Variants in COL28A1 observed in about 807,000 individuals in gnomAD.
COL28A1 encodes the protein collagen type XXVIII alpha 1 chain, also known as collagen alpha-1(XXVIII) chain.
In COL28A1, 161 loss-of-function variants were observed where a neutral mutation model predicts 150.2. The ratio of observed to expected loss-of-function variants is 1.07; its 90% confidence interval spans 0.94 to 1.22. The LOEUF is 1.22. Among genes scored for constraint, COL28A1 ranks in the 50% most tolerant of loss-of-function variants. The pLI, the probability that COL28A1 is intolerant of heterozygous loss-of-function variation, is 0.00. For synonymous variants in COL28A1, 552 were observed against 469.7 expected, an observed-to-expected ratio of 1.18 and a Z score of -2.26; for missense variants, 1,617 against 1,388.3, an observed-to-expected ratio of 1.16 and a Z score of -2.62.
At chr7:7,451,052 G>A (rs1271283694) in intron 18 of COL28A1, among the ~76,000 whole-genome samples, 1 of 152,092 alleles carries the variant, frequency 6.6e-6, no homozygotes, top group Non-Finnish European at 1.5e-5. Context: ...TGTGAGGAGA[G>A]AAGGGAGGGC....
At chr7:7,447,939 C>T (rs1258585932) in intron 18 of COL28A1, among the ~76,000 whole-genome samples, 4 of 151,928 alleles carry the variant, frequency 2.6e-5, no homozygotes, top group African/African-American at 9.7e-5. Context: ...GTGGTGGTGC[C>T]GCCTGTAATC....
At chr7:7,379,549 T>C (rs934771737) in intron 30 of COL28A1, among the ~76,000 whole-genome samples, 11 of 152,070 alleles carry the variant, frequency 7.2e-5, no homozygotes, top group African/African-American at 2.7e-4. Flanking sequence ...GGCTGTGAGC[T>C]CTCTCAGTTC....
At chr7:7,493,970 T>C (rs1209093668) in intron 11 of COL28A1, among the ~76,000 whole-genome samples, 1 of 152,180 alleles carries the variant, frequency 6.6e-6, no homozygotes, top group Non-Finnish European at 1.5e-5. Context: ...CAGGCAAGTA[T>C]AACAAAGAGG....
At chr7:7,480,690 A>G (rs974626731) in intron 13 of COL28A1, among the ~76,000 whole-genome samples, 7 of 152,232 alleles carry the variant, frequency 4.6e-5, no homozygotes, top group Non-Finnish European at 2.9e-5. Flanking sequence ...TTCATCCAAC[A>G]AAGATATACC....
intron 27 of COL28A1, among the ~76,000 whole-genome samples, chr7:7,410,456 G>C (rs945606842): frequency 1.3e-5 from 2 of 152,098 alleles, no homozygotes. Flanking sequence ...TGGAGTCATC[G>C]TGTGAATTTC....
At chr7:7,390,381 G>T (rs143999625) in intron 27 of COL28A1, among the ~76,000 whole-genome samples, 6 of 152,058 alleles carry the variant, frequency 3.9e-5, no homozygotes, top group African/African-American at 1.2e-4. Flanking sequence ...ATGTGCTGCT[G>T]GATTCAGTTT....
At chr7:7,399,336 C>T (rs1368374006) in intron 27 of COL28A1, among the ~76,000 whole-genome samples, 1 of 152,140 alleles carries the variant, frequency 6.6e-6, no homozygotes, top group Non-Finnish European at 1.5e-5. Context: ...CCATATCAAC[C>T]CACAACTTTC....
chr7:7,449,016 G>A (rs1786483396), intron 18 of COL28A1, among the ~76,000 whole-genome samples: 1 of 151,920 alleles, frequency 6.6e-6, no homozygotes, highest in African/African-American at 2.4e-5. Context: ...AACTTCTGAG[G>A]GTTACAGAAA....
intron 5 of COL28A1, 135 bp downstream of exon 5, chr7:7,521,770 A>G: frequency 1.5e-6 from 1 of 662,438 alleles, no homozygotes; most frequent in Admixed American, 2.4e-5. Context: ...AGAAAGAAGT[A>G]GCATTTCCAT....
At chr7:7,529,213 C>A (rs720288) in intron 3 of COL28A1, among the ~76,000 whole-genome samples, 36,407 of 148,218 alleles carry the variant, frequency 0.25, 4,560 homozygotes, top group Middle Eastern at 0.38. Flanking sequence ...CGCTTGAACC[C>A]GGGAGGCAGA....
At chr7:7,399,775 A>G (rs913151586) in intron 27 of COL28A1, among the ~76,000 whole-genome samples, 25 of 152,256 alleles carry the variant, frequency 1.6e-4, no homozygotes, top group African/African-American at 6.0e-4. Flanking sequence ...TTTATTAAAA[A>G]ATTCTGCGGC....
intron 13 of COL28A1, among the ~76,000 whole-genome samples, chr7:7,481,424 G>A (rs1385901449): frequency 1.3e-5 from 2 of 152,184 alleles, no homozygotes; most frequent in African/African-American, 2.4e-5. Context: ...AAGAGAAGTA[G>A]AAGGTACTTG....
chr7:7,447,090 A>C (rs540992063), intron 18 of COL28A1, among the ~76,000 whole-genome samples: 1 of 152,320 alleles, frequency 6.6e-6, no homozygotes, highest in African/African-American at 2.4e-5. Flanking sequence ...AGTTCTAAAA[A>C]GGGTCTTACC....
chr7:7,400,396 G>C (rs1783105533), intron 27 of COL28A1, among the ~76,000 whole-genome samples: 2 of 152,270 alleles, frequency 1.3e-5, no homozygotes, highest in South Asian at 4.2e-4. Flanking sequence ...GAAACCCTTG[G>C]CTTTGAAGAT....
chr7:7,524,911 A>G (rs1365504401), intron 3 of COL28A1, among the ~76,000 whole-genome samples: 1 of 152,224 alleles, frequency 6.6e-6, no homozygotes, highest in Non-Finnish European at 1.5e-5. Context: ...GAATTTCAAC[A>G]GAAGCCAAAA....
the COL28A1 span, among the ~76,000 whole-genome samples, chr7:7,349,444 C>T: frequency 6.6e-6 from 1 of 152,218 alleles, no homozygotes; most frequent in South Asian, 2.1e-4. Flanking sequence ...ATGCACCCCT[C>T]AGTACTTAGC....
intron 14 of COL28A1, among the ~76,000 whole-genome samples, chr7:7,475,530 A>G (rs1204587827): frequency 6.6e-6 from 1 of 152,234 alleles, no homozygotes; most frequent in Non-Finnish European, 1.5e-5. Context: ...CCCATGAGCT[A>G]TTACATACAA....
intron 31 of COL28A1, among the ~76,000 whole-genome samples, chr7:7,374,038 A>AAAAAAAAATATATATATATATATAT: frequency 2.6e-5 from 3 of 113,622 alleles, no homozygotes; most frequent in African/African-American, 1.1e-4. Context: ...AAAAAAAAAA[A>AAAAAAAAATATATATATATATATAT]ATATATATAT....
chr7:7,477,599 G>A (rs1291268989), intron 13 of COL28A1, among the ~76,000 whole-genome samples: 2 of 152,226 alleles, frequency 1.3e-5, no homozygotes, highest in African/African-American at 4.8e-5. Context: ...CTGATGTTCA[G>A]TTGTGTTCCC....
Sources: gnomAD v4.1 joint callset for allele counts (sites outside exome capture counted in the v4.1 genomes callset) on GRCh38, gnomAD v4.1.1 for gene constraint, MANE v1.5 for transcripts, NCBI Gene and HGNC (gene_info 2026-07-23, HGNC 2026-07-21) for gene names.